Variants in IPMK observed in about 807,000 individuals in gnomAD.
IPMK encodes the protein inositol polyphosphate multikinase, also known as inositol 1,3,4,6-tetrakisphosphate 5-kinase.
A neutral mutation model predicts 45.8 loss-of-function variants in IPMK; 17 were observed. That is an observed-to-expected ratio of 0.37 (90% confidence interval 0.25 to 0.56). The LOEUF is 0.56. IPMK is among the 20% of genes least tolerant of loss of function. The probability of loss-of-function intolerance (pLI) is 0.79; values close to 1 mark genes in which losing one functional copy is unlikely to be tolerated. For missense variants in IPMK, 399 were observed against 498.0 expected (o/e 0.80, Z 1.89); for synonymous variants, 180 against 184.3 (o/e 0.98, Z 0.19).
chr10:58,255,406 G>A (rs1204607710), intron 1 of IPMK, among the ~76,000 whole-genome samples: 1 of 152,092 alleles, frequency 6.6e-6, no homozygotes, highest in African/African-American at 2.4e-5. Context: ...TTCTGTGAGT[G>A]GTGTCATGCC....
In IPMK at chr10:58,263,567, C is replaced by G. The variant is rs375379438; in HGVS notation, c.190+3855G>C. Among the ~76,000 whole-genome samples the G allele has an allele frequency of 2.4e-4, 37 of 152,128 alleles. No homozygotes were observed. The East Asian group carries it at 6.6e-3, about 27-fold the overall frequency. On this transcript the variant is annotated intron_variant, in intron 1 of 5. Coordinates refer to ENST00000373935, the MANE Select transcript of IPMK (RefSeq NM_152230.5). ...TGGCCTAGTGGTGTGCACCTATACT[C>G]CCGGCTACTCAGGAGGCTGAGGCAG... is the stretch of plus-strand genomic sequence containing the variant.
At chr10:58,199,444 GA>G (rs974438489) in intron 4 of IPMK, 123 bp from the exon 5 acceptor site, 7,008 of 413,858 alleles carry the variant, frequency 0.017, 74 homozygotes, top group African/African-American at 0.062. Context: ...GATTTGAGAA[GA>G]AAAAAAAAAA....
chr10:58,244,705 T>G (rs913490812), intron 1 of IPMK, among the ~76,000 whole-genome samples: 2 of 152,144 alleles, frequency 1.3e-5, no homozygotes, highest in Non-Finnish European at 2.9e-5. Flanking sequence ...TAAGAAAAAT[T>G]CTTCTGCCTT....
chr10:58,265,864 T>A (rs191316643), intron 1 of IPMK, among the ~76,000 whole-genome samples: 68 of 152,336 alleles, frequency 4.5e-4, no homozygotes, highest in African/African-American at 1.6e-3. Context: ...ATTATTTAGA[T>A]TGTTTTTATG....
chr10:58,208,226 C>T (rs1003151640), intron 4 of IPMK, among the ~76,000 whole-genome samples: 1 of 152,162 alleles, frequency 6.6e-6, no homozygotes, highest in Non-Finnish European at 1.5e-5. Flanking sequence ...AGGTGTGAGC[C>T]ACCACACCTG....
intron 2 of IPMK, among the ~76,000 whole-genome samples, chr10:58,234,147 C>T (rs186567230): frequency 1.2e-4 from 18 of 152,082 alleles, no homozygotes; most frequent in African/African-American, 2.7e-4. Flanking sequence ...TACAAACCAC[C>T]GCTCAACAAA....
intron 3 of IPMK, among the ~76,000 whole-genome samples, chr10:58,220,027 C>T (rs1195048954): frequency 6.6e-6 from 1 of 152,186 alleles, no homozygotes; most frequent in Non-Finnish European, 1.5e-5. Context: ...CACCATCATA[C>T]TTTGGGAATC....
chr10:58,210,133 C>T (rs532401434), intron 4 of IPMK, among the ~76,000 whole-genome samples: 135 of 152,198 alleles, frequency 8.9e-4, no homozygotes, highest in Non-Finnish European at 1.5e-3. Context: ...GGGTGGTTCT[C>T]AGGCCAATGG....
chr10:58,254,072 T>C (rs1013800630), intron 1 of IPMK, among the ~76,000 whole-genome samples: 10 of 152,196 alleles, frequency 6.6e-5, no homozygotes, highest in African/African-American at 2.4e-4. Flanking sequence ...CTAGATGTTG[T>C]CATCTTCCCT....
chr10:58,211,901 CAAAAAAA>C lies in IPMK; in HGVS notation c.546+4237_546+4243del, dbSNP rs753050298. Among the ~76,000 whole-genome samples the C allele has an allele frequency of 4.3e-3, 219 of 50,380 alleles. 4 individuals are homozygous for C. Among genetic ancestry groups the C allele is most frequent in the African/African-American group, 0.017 (193 of 11,046 alleles). The allele number at this position is 50,380 out of a possible 152,430, so 33.1% of individuals were successfully genotyped here. ...CACTCCAGCCTGGGTGACATCTCACCAAAAAAAAAAAAAAAAAAAAAAAATTTGTTTT... is the reference window on the plus strand; with the variant it reads ...CACTCCAGCCTGGGTGACATCTCACCAAAAAAAAAAAAAAAAATTTGTTTT... On this transcript the variant is annotated intron_variant, in intron 4 of 5. Coordinates refer to ENST00000373935, the MANE Select transcript of IPMK (RefSeq NM_152230.5).
intron 4 of IPMK, among the ~76,000 whole-genome samples, chr10:58,206,962 G>A (rs1838079045): frequency 6.6e-6 from 1 of 151,728 alleles, no homozygotes; most frequent in Admixed American, 6.6e-5. Flanking sequence ...TCCTTTTTAT[G>A]GCTGAGTAAT....
intron 1 of IPMK, among the ~76,000 whole-genome samples, chr10:58,263,480 C>T (rs1220879114): frequency 5.3e-5 from 8 of 150,238 alleles, no homozygotes; most frequent in Non-Finnish European, 8.9e-5. Context: ...GTCAAGACCG[C>T]GCCACTGTTC....
chr10:58,198,711 C>T (rs562810189), intron 5 of IPMK, among the ~76,000 whole-genome samples: 1 of 151,976 alleles, frequency 6.6e-6, no homozygotes, highest in South Asian at 2.1e-4. Flanking sequence ...GTATCTTGGC[C>T]GTAAATACTT....
intron 1 of IPMK, among the ~76,000 whole-genome samples, chr10:58,244,510 C>T (rs928810587): frequency 4.6e-5 from 7 of 152,130 alleles, no homozygotes; most frequent in Non-Finnish European, 7.4e-5. Context: ...CAGGCCGTCC[C>T]GTCTGGGAAG....
intron 1 of IPMK, among the ~76,000 whole-genome samples, chr10:58,265,341 C>A (rs977606686): frequency 6.6e-6 from 1 of 152,130 alleles, no homozygotes; most frequent in Non-Finnish European, 1.5e-5. Context: ...CAAATACCAA[C>A]ATAACGTCCT....
At chr10:58,257,310 C>T (rs1181975003) in intron 1 of IPMK, among the ~76,000 whole-genome samples, 1 of 152,048 alleles carries the variant, frequency 6.6e-6, no homozygotes, top group African/African-American at 2.4e-5. Flanking sequence ...GCCTGGCCAA[C>T]ATGGTGAAAC....
At chr10:58,246,403 A>G (rs1838801100) in intron 1 of IPMK, among the ~76,000 whole-genome samples, 1 of 138,132 alleles carries the variant, frequency 7.2e-6, no homozygotes, top group Non-Finnish European at 1.5e-5. Context: ...ACTTCAAACT[A>G]TACTACAAGG....
At chr10:58,222,343 T>C (rs1419417927) in intron 3 of IPMK, among the ~76,000 whole-genome samples, 2 of 152,216 alleles carry the variant, frequency 1.3e-5, no homozygotes, top group Non-Finnish European at 2.9e-5. Context: ...ATTTTGAATA[T>C]TAGAATAGAG....
intron 1 of IPMK, among the ~76,000 whole-genome samples, chr10:58,252,146 C>T (rs1838889433): frequency 6.6e-6 from 1 of 152,050 alleles, no homozygotes; most frequent in South Asian, 2.1e-4. Context: ...GTCTCTCTTA[C>T]AGTTTTTGGT....
Sources: gnomAD v4.1 joint callset for allele counts (sites outside exome capture counted in the v4.1 genomes callset) on GRCh38, gnomAD v4.1.1 for gene constraint, MANE v1.5 for transcripts, NCBI Gene and HGNC (gene_info 2026-07-23, HGNC 2026-07-21) for gene names.